The following GMCL1 variants were observed in gnomAD, a reference collection of about 807,000 sequenced individuals.
GMCL1 encodes germ cell-less protein-like 1.
Under a neutral mutation model 75.5 loss-of-function variants are expected in GMCL1, and 54 were observed. That is an observed-to-expected ratio of 0.71 (90% confidence interval 0.57 to 0.90). The LOEUF is 0.90. Among genes scored for constraint, GMCL1 ranks in the 40% least tolerant of loss-of-function variants. GMCL1 has a pLI of 0.00. For synonymous variants in GMCL1, 210 were observed against 209.6 expected (o/e 1.00, Z -0.02); for missense variants, 537 against 622.7 (o/e 0.86, Z 1.47).
chr2:69,857,657 G>A (rs574636408), intron 9 of GMCL1, among the ~76,000 whole-genome samples: 3 of 152,164 alleles, frequency 2.0e-5, no homozygotes, highest in African/African-American at 7.2e-5. Flanking sequence ...CCATAATTTT[G>A]TGTTAATATT....
rs532045036 is a variant in GMCL1 at position 69,871,962 on chromosome 2, A to G, written c.1452+130A>G. 69 of 611,292 alleles carry G rather than the reference A, an allele frequency of 1.1e-4. 1 individual carries two copies. The highest frequency in any genetic ancestry group is 8.3e-4 in the Middle Eastern group (2 of 2,424). 37.9% of individuals were successfully genotyped at this position (611,292 alleles called of 1,614,324 possible). A position where few individuals can be genotyped will look rare whatever the true frequency, so the allele number is the denominator to read the frequency against. ...TAAAAGTTGGTTTAAAAGTCTTTTG[A>G]AGGTAAAGATGAAAGTACCACATTC... On this transcript the variant is annotated intron_variant, in intron 13 of 13. Coordinates refer to ENST00000282570, the MANE Select transcript of GMCL1 (RefSeq NM_178439.5).
At chr2:69,840,650 A>G (rs1359040670) in intron 3 of GMCL1, among the ~76,000 whole-genome samples, 1 of 152,228 alleles carries the variant, frequency 6.6e-6, no homozygotes, top group Non-Finnish European at 1.5e-5. Flanking sequence ...TATCTTATAC[A>G]ACTTCTTGCA....
intron 9 of GMCL1, 26 bp from the exon 10 acceptor site, chr2:69,861,252 A>G (rs1247785475): frequency 6.9e-7 from 1 of 1,444,882 alleles, no homozygotes; most frequent in South Asian, 1.2e-5. Context: ...GTTATTTATT[A>G]TTATTAATTT....
At position 69,846,999 on chromosome 2, in the gene GMCL1, AT is replaced by A. The variant is rs563722124; in HGVS notation, c.759-525del. On this transcript the variant is annotated intron_variant, in intron 6 of 13. Transcript: ENST00000282570. ...AGGTGCACACCAACATGATTGGCTA[AT>A]TTTTTTTTTTTTTTTTTTGGTAGCA... 7.4e-3 allele frequency among the ~76,000 whole-genome samples: 990 copies of A among 133,020 alleles called. 1 individual carries two copies. Among genetic ancestry groups the A allele is most frequent in the Non-Finnish European group, 9.7e-3 (595 of 61,314 alleles). 87.3% of individuals were successfully genotyped at this position (133,020 alleles called of 152,430 possible).
chr2:69,877,911 A>G (rs1476371912), intron 13 of GMCL1, among the ~76,000 whole-genome samples: 1 of 152,250 alleles, frequency 6.6e-6, no homozygotes, highest in African/African-American at 2.4e-5. Flanking sequence ...AGTGTTTAAT[A>G]GTATCTTATC....
chr2:69,830,535 C>G (rs1014248550), intron 1 of GMCL1, among the ~76,000 whole-genome samples: 1 of 152,314 alleles, frequency 6.6e-6, no homozygotes, highest in African/African-American at 2.4e-5. Context: ...TGCCTTAGTA[C>G]AGACACTAAA....
At position 69,840,923 on chromosome 2, in the gene GMCL1, A is replaced by C; in HGVS notation, c.482-19A>C. 5 of 1,543,712 alleles carry C rather than the reference A, an allele frequency of 3.2e-6. No individual in the cohort carries two copies. The highest frequency in any genetic ancestry group is 4.5e-6 in the Non-Finnish European group (5 of 1,116,622). On this transcript the variant is annotated intron_variant, in intron 3 of 13. Coordinates refer to ENST00000282570, the MANE Select transcript of GMCL1 (RefSeq NM_178439.5). ...AGATATAAATATTATTTCATCCTAC[A>C]TGTGTACCTTGCTTTCAGCACTGCA...
Position 69,839,705 on chromosome 2 carries a change from T to C in GMCL1, c.481+152T>C, listed in dbSNP as rs1003723276. 6 of 540,348 alleles carry C rather than the reference T, an allele frequency of 1.1e-5. No homozygotes were observed. The African/African-American group carries it at 1.1e-4, about 10-fold the overall frequency. The allele number at this position is 540,348 out of a possible 1,614,324, so 33.5% of individuals were successfully genotyped here. Reference sequence around the variant, plus strand: ...AATTTGATGTTGATTTACACCATAGTTTATCAGTTCTGTCCATCTTATCAC... The same window carrying C: ...AATTTGATGTTGATTTACACCATAGCTTATCAGTTCTGTCCATCTTATCAC... On this transcript the variant is annotated intron_variant, in intron 3 of 13. Coordinates refer to ENST00000282570, the MANE Select transcript of GMCL1 (RefSeq NM_178439.5).
chr2:69,863,111 G>A (rs2312557), intron 10 of GMCL1, among the ~76,000 whole-genome samples: 27,852 of 152,026 alleles, frequency 0.18, 3,088 homozygotes, highest in East Asian at 0.26. Flanking sequence ...CAGGACCCCT[G>A]CGTATACCAA....
chr2:69,846,637 TCAAAGGAAAGAAAGAA>T (rs1215893241), intron 6 of GMCL1, among the ~76,000 whole-genome samples: 1 of 152,096 alleles, frequency 6.6e-6, no homozygotes, highest in East Asian at 1.9e-4. Context: ...TTTTTATGGC[TCAAAGGAAAGAAAGAA>T]CAAAGGAAAA....
At chr2:69,835,684 C>G (rs1674800801) in intron 1 of GMCL1, among the ~76,000 whole-genome samples, 1 of 152,136 alleles carries the variant, frequency 6.6e-6, no homozygotes, top group Non-Finnish European at 1.5e-5. Context: ...ACCCCTGGTC[C>G]AAAAGAAATA....
intron 1 of GMCL1, among the ~76,000 whole-genome samples, chr2:69,830,375 G>A (rs569372193): frequency 6.6e-6 from 1 of 152,210 alleles, no homozygotes; most frequent in Admixed American, 6.5e-5. Flanking sequence ...CGCTTCCAGG[G>A]TGTTGTTACA....
chr2:69,859,053 G>C (rs372884472), intron 9 of GMCL1, among the ~76,000 whole-genome samples: 10 of 149,880 alleles, frequency 6.7e-5, no homozygotes, highest in African/African-American at 2.2e-4. Flanking sequence ...GGCTGAGGCA[G>C]AGGAATCGCT....
chr2:69,854,969 A>G lies in GMCL1; in HGVS notation c.1072+9A>G. 2.5e-6 allele frequency: 4 copies of G among 1,575,082 alleles called. No individual in the cohort carries two copies. The highest frequency in any genetic ancestry group is 2.6e-6 in the Non-Finnish European group (3 of 1,158,798). On this transcript the variant is annotated intron_variant, in intron 9 of 13. Transcript: ENST00000282570. Reference sequence around the variant, plus strand: ...TGCTGTAGTACCTTCAGGTAAGAGAACATAATTTGTAATTTTAAGTAATAT... The same window carrying G: ...TGCTGTAGTACCTTCAGGTAAGAGAGCATAATTTGTAATTTTAAGTAATAT...
intron 1 of GMCL1, 122 bp downstream of exon 1, chr2:69,830,274 T>C (rs547359709): frequency 1.6e-6 from 2 of 1,287,180 alleles, no homozygotes; most frequent in African/African-American, 3.0e-5. Context: ...GGACGTGCCC[T>C]TGACAGGGTG....
At chr2:69,866,076 C>G (rs1675808255) in intron 11 of GMCL1, among the ~76,000 whole-genome samples, 1 of 152,130 alleles carries the variant, frequency 6.6e-6, no homozygotes, top group Admixed American at 6.5e-5. Context: ...TGGTGAAACC[C>G]TGTCTCTACT....
chr2:69,843,136 T>C lies in GMCL1; in HGVS notation c.580-13T>C. Reference sequence around the variant, plus strand: ...GTGAAATGGGCCTTTCCAGTGCTTATTTATATTTACAGGACGGTTTAATAC... The same window carrying C: ...GTGAAATGGGCCTTTCCAGTGCTTACTTATATTTACAGGACGGTTTAATAC... On this transcript the variant is annotated splice_polypyrimidine_tract_variant and intron_variant, in intron 4 of 13. Transcript: ENST00000282570. 6.5e-7 allele frequency: 1 copy of C among 1,536,238 alleles called. No homozygotes were observed. Among genetic ancestry groups the C allele is most frequent in the Non-Finnish European group, 9.0e-7 (1 of 1,114,436 alleles).
At chr2:69,839,301 T>C (rs1188336186) in intron 2 of GMCL1, among the ~76,000 whole-genome samples, 156 bp from the exon 3 acceptor site, 1 of 152,260 alleles carries the variant, frequency 6.6e-6, no homozygotes, top group African/African-American at 2.4e-5. Context: ...ATTTCTTTTC[T>C]CCTGTGGACA....
Position 69,879,173 on chromosome 2 carries a change from G to A in GMCL1, c.*169G>A, listed in dbSNP as rs1573380487. 9.4e-6 allele frequency: 5 copies of A among 533,206 alleles called. No individual in the cohort carries two copies. In the East Asian group the frequency reaches 1.3e-4, roughly 13 times the overall value. 33.0% of individuals were successfully genotyped at this position (533,206 alleles called of 1,614,324 possible). On this transcript the variant is annotated 3_prime_UTR_variant, in exon 14 of 14. Coordinates refer to ENST00000282570, the MANE Select transcript of GMCL1 (RefSeq NM_178439.5). Reference sequence around the variant, plus strand: ...TATGAACTGTACAGACAATACAGAAGATTATTCTTATCCTCATTGCATTTC... The same window carrying A: ...TATGAACTGTACAGACAATACAGAAAATTATTCTTATCCTCATTGCATTTC...
Sources: gnomAD v4.1 joint callset for allele counts (sites outside exome capture counted in the v4.1 genomes callset) on GRCh38, gnomAD v4.1.1 for gene constraint, MANE v1.5 for transcripts, NCBI Gene and HGNC (gene_info 2026-07-23, HGNC 2026-07-21) for gene names.